TSNAX: variants seen among roughly 807,000 people sequenced by gnomAD.
The protein encoded by TSNAX is translin associated factor X.
A neutral mutation model predicts 33.0 loss-of-function variants in TSNAX; 12 were observed. The observed-to-expected ratio is 0.36, with a 90% CI of 0.23 to 0.59. TSNAX has a LOEUF of 0.59. Among genes scored for constraint, TSNAX ranks in the 20% least tolerant of loss-of-function variants. TSNAX has a pLI of 0.74. For missense variants in TSNAX, 267 were observed against 341.3 expected (o/e 0.78, Z 1.72); for synonymous variants, 110 against 117.2 (o/e 0.94, Z 0.40).
At chr1:231,559,224 A>G (rs998327983) in intron 4 of TSNAX, among the ~76,000 whole-genome samples, 2 of 152,212 alleles carry the variant, frequency 1.3e-5, no homozygotes, top group African/African-American at 4.8e-5. Flanking sequence ...AGTTTCTTAA[A>G]CTAACAATAA....
At chr1:231,537,682 A>C (rs771259746) in intron 3 of TSNAX, among the ~76,000 whole-genome samples, 2 of 150,400 alleles carry the variant, frequency 1.3e-5, no homozygotes, top group Non-Finnish European at 3.0e-5. Flanking sequence ...CAGAGGCTGC[A>C]GTGTGCCAAG....
At position 231,538,263 on chromosome 1, in the gene TSNAX, C is replaced by T. The variant is rs192382116; in HGVS notation, c.236+936C>T. Among the ~76,000 whole-genome samples, 7 of 152,202 alleles carry T rather than the reference C, an allele frequency of 4.6e-5. No individual in the cohort carries two copies. In the East Asian group the frequency reaches 9.6e-4, roughly 21 times the overall value. ...CTAACTTAAACTAGTCTAAGCAGAA[C>T]GGGGAAATTAATTATAAAAAAAGCC... On this transcript the variant is annotated intron_variant, in intron 3 of 5. Transcript: ENST00000366639.
intron 2 of TSNAX, among the ~76,000 whole-genome samples, chr1:231,533,523 T>C (rs1239018576): frequency 6.6e-6 from 1 of 152,244 alleles, no homozygotes; most frequent in Non-Finnish European, 1.5e-5. Context: ...AAGTTGGAGT[T>C]AATTGCATTA....
chr1:231,556,869 A>G (rs1330648212), intron 4 of TSNAX, among the ~76,000 whole-genome samples: 1 of 152,180 alleles, frequency 6.6e-6, no homozygotes, highest in Non-Finnish European at 1.5e-5. Flanking sequence ...TGAGGCTGAT[A>G]ATGTAAGTGG....
intron 2 of TSNAX, among the ~76,000 whole-genome samples, chr1:231,532,161 C>CACACACACACACACACACAT (rs1658784633): frequency 1.1e-5 from 1 of 91,912 alleles, no homozygotes; most frequent in African/African-American, 3.7e-5. Context: ...CACACACACA[C>CACACACACACACACACACAT]ACACACACAC....
intron 4 of TSNAX, among the ~76,000 whole-genome samples, chr1:231,555,671 T>A (rs1313417660): frequency 6.6e-6 from 1 of 152,236 alleles, no homozygotes; most frequent in Non-Finnish European, 1.5e-5. Flanking sequence ...TTAAGCAAGA[T>A]GCCATAATTC....
chr1:231,551,098 G>A (rs1338135412), intron 4 of TSNAX, among the ~76,000 whole-genome samples: 1 of 152,088 alleles, frequency 6.6e-6, no homozygotes, highest in Non-Finnish European at 1.5e-5. Flanking sequence ...TATTTATATA[G>A]TACTTTATAT....
intron 4 of TSNAX, among the ~76,000 whole-genome samples, chr1:231,560,419 T>C (rs4658924): frequency 0.62 from 26,206 of 42,084 alleles, 7,826 homozygotes; most frequent in Non-Finnish European, 0.67. Flanking sequence ...CCCCCCCCCC[T>C]TTTTTTTTTT....
At chr1:231,540,109 G>A (rs1659471173) in intron 3 of TSNAX, among the ~76,000 whole-genome samples, 1 of 149,336 alleles carries the variant, frequency 6.7e-6, no homozygotes, top group South Asian at 2.1e-4. Flanking sequence ...AGGAAGCGGA[G>A]GTTGCTTGAA....
At chr1:231,529,422 G>T in intron 2 of TSNAX, 63 bp downstream of exon 2, 1 of 1,532,868 alleles carries the variant, frequency 6.5e-7, no homozygotes, top group Non-Finnish European at 9.0e-7. Context: ...CCATGGTTAT[G>T]CGCAAGAAAA....
chr1:231,545,527 T>TA (rs1235041970), intron 4 of TSNAX, among the ~76,000 whole-genome samples: 1 of 151,346 alleles, frequency 6.6e-6, no homozygotes, highest in East Asian at 1.9e-4. Context: ...AATAAGTCTT[T>TA]AAAAAAAAAT....
chr1:231,562,029 AC>A (rs1337028803), intron 5 of TSNAX, among the ~76,000 whole-genome samples: 1 of 151,998 alleles, frequency 6.6e-6, no homozygotes. Context: ...TTAAACAAAT[AC>A]TATTTTTTTC....
chr1:231,539,139 T>A (rs1429097323), intron 3 of TSNAX, among the ~76,000 whole-genome samples: 1 of 152,222 alleles, frequency 6.6e-6, no homozygotes. Context: ...CATTCTTAGA[T>A]AGCTTGTACA....
At position 231,528,745 on chromosome 1, in the gene TSNAX, A is replaced by G; in HGVS notation, c.-66A>G. ...GTTTTCCCAGGTTCCCTCGGCCTGTACCTCGCGCACTCCTCTTGCTCCAGG... is the reference window on the plus strand; with the variant it reads ...GTTTTCCCAGGTTCCCTCGGCCTGTGCCTCGCGCACTCCTCTTGCTCCAGG... On this transcript the variant is annotated 5_prime_UTR_variant, in exon 1 of 6. Transcript: ENST00000366639. The G allele has an allele frequency of 6.2e-7, 1 of 1,605,326 alleles. No individual in the cohort carries two copies. Among genetic ancestry groups the G allele is most frequent in the Middle Eastern group, 1.8e-4 (1 of 5,564 alleles).
At chr1:231,528,967 C>T in intron 1 of TSNAX, 141 bp downstream of exon 1, 3 of 1,125,026 alleles carry the variant, frequency 2.7e-6, no homozygotes, top group East Asian at 2.5e-5. Flanking sequence ...TTTCTCTCCC[C>T]GGCCAGATCG....
chr1:231,539,801 CTG>C (rs1428433909), intron 3 of TSNAX, among the ~76,000 whole-genome samples: 2 of 151,906 alleles, frequency 1.3e-5, no homozygotes, highest in African/African-American at 4.8e-5. Context: ...GACTAGTAAA[CTG>C]AGAAAATAAT....
intron 4 of TSNAX, among the ~76,000 whole-genome samples, chr1:231,553,711 A>C (rs1483839834): frequency 9.3e-6 from 1 of 107,626 alleles, no homozygotes; most frequent in African/African-American, 3.7e-5. Context: ...TTTGAGATGG[A>C]GTTTTGCTCT....
chr1:231,529,059 T>G (rs1479625406), intron 1 of TSNAX, among the ~76,000 whole-genome samples, 196 bp from the exon 2 acceptor site: 1 of 152,218 alleles, frequency 6.6e-6, no homozygotes, highest in Non-Finnish European at 1.5e-5. Flanking sequence ...TGCCAGATCA[T>G]AGCACCAGTT....
intron 2 of TSNAX, among the ~76,000 whole-genome samples, chr1:231,530,208 T>G (rs923360055): frequency 6.6e-6 from 1 of 152,170 alleles, no homozygotes; most frequent in African/African-American, 2.4e-5. Context: ...TTTTGTCACA[T>G]TGTGTTTGTT....
Sources: gnomAD v4.1 joint callset for allele counts (sites outside exome capture counted in the v4.1 genomes callset) on GRCh38, gnomAD v4.1.1 for gene constraint, MANE v1.5 for transcripts, NCBI Gene and HGNC (gene_info 2026-07-23, HGNC 2026-07-21) for gene names.